MYO16: variants seen among roughly 807,000 people sequenced by gnomAD.
The protein encoded by MYO16 is myosin XVI, also known as unconventional myosin-XVI.
A neutral mutation model predicts 205.3 loss-of-function variants in MYO16; 94 were observed. The observed-to-expected ratio is 0.46, with a 90% CI of 0.39 to 0.54. MYO16 has a LOEUF of 0.54. MYO16 is among the 20% of genes least tolerant of loss of function. MYO16 has a pLI of 0.00. For synonymous variants in MYO16, 988 were observed against 954.0 expected, an observed-to-expected ratio of 1.04 and a Z score of -0.66; for missense variants, 2,315 against 2,387.5, an observed-to-expected ratio of 0.97 and a Z score of 0.63.
In MYO16 at chr13:109,206,652, T is replaced by C; in HGVS notation, c.5459T>C (p.Leu1820Pro). ...LRLSENESVA[L>P]QELLDWRRKL... ...CTCTCAGAGAATGAAAGTGTGGCCCTGCAGGAACTCTTGGACTGGAGGAGA... is the reference window on the plus strand; with the variant it reads ...CTCTCAGAGAATGAAAGTGTGGCCCCGCAGGAACTCTTGGACTGGAGGAGA... The change falls in exon 35 of 35, where the codon CTG becomes CCG. Residue 1820 changes from leucine (L) to proline (P), a missense_variant. By Grantham distance (98) the Leu-to-Pro change is moderately conservative. Coordinates refer to ENST00000457511, the MANE Select transcript of MYO16 (RefSeq NM_001198950.3). 1.2e-6 allele frequency: 2 copies of C among 1,614,118 alleles called. No individual in the cohort carries two copies. Among genetic ancestry groups the C allele is most frequent in the South Asian group, 1.1e-5 (1 of 91,086 alleles).
rs7984752 is a variant in MYO16, at chr13:108,926,069, C to T, written c.1925+15919C>T. ...ACTCAGAGCCGCGTGCTCCATGGCTCGTCCTCCAGACCTCCATTTGGAAAC... is the reference window on the plus strand; with the variant it reads ...ACTCAGAGCCGCGTGCTCCATGGCTTGTCCTCCAGACCTCCATTTGGAAAC... On this transcript the variant is annotated intron_variant, in intron 16 of 34. Coordinates refer to ENST00000457511, the MANE Select transcript of MYO16 (RefSeq NM_001198950.3). Among the ~76,000 whole-genome samples, 1,493 of 152,330 alleles carry T rather than the reference C, an allele frequency of 9.8e-3. 22 individuals carry two copies. Among genetic ancestry groups the T allele is most frequent in the African/African-American group, 0.034 (1,410 of 41,560 alleles).
chr13:109,094,673 C>A (rs1295363843), intron 27 of MYO16, among the ~76,000 whole-genome samples: 3 of 152,176 alleles, frequency 2.0e-5, no homozygotes, highest in Non-Finnish European at 4.4e-5. Flanking sequence ...TATCCCTCCC[C>A]TAGCCCCCAA....
intron 4 of MYO16, among the ~76,000 whole-genome samples, chr13:108,735,336 C>T (rs1347639791): frequency 2.7e-5 from 4 of 146,780 alleles, no homozygotes; most frequent in African/African-American, 1.0e-4. Context: ...TGTTCAATTC[C>T]CACCTATGAG....
intron 31 of MYO16, among the ~76,000 whole-genome samples, chr13:109,129,279 T>C (rs1220577346): frequency 3.3e-5 from 5 of 152,128 alleles, no homozygotes. Flanking sequence ...GAGAAATTCC[T>C]AAGACTATGG....
intron 9 of MYO16, among the ~76,000 whole-genome samples, chr13:108,828,210 C>T (rs941674017): frequency 6.6e-6 from 1 of 152,108 alleles, no homozygotes; most frequent in African/African-American, 2.4e-5. Flanking sequence ...TGTGCTAACT[C>T]TGTTATTGTT....
chr13:108,715,452 C>T lies in MYO16; in HGVS notation c.363+2721C>T, dbSNP rs184371604. Among the ~76,000 whole-genome samples, 14 of 152,292 alleles carry T rather than the reference C, an allele frequency of 9.2e-5. No homozygotes were observed. The East Asian group carries it at 1.9e-3, about 21-fold the overall frequency. ...CCAAACCCATCATAGGTTCATGTGA[C>T]TATTTTCTATTTCCTAGAATGTTAG... On this transcript the variant is annotated intron_variant, in intron 3 of 34. Transcript: ENST00000457511.
rs1175423817 is a variant in MYO16 at position 109,179,577 on chromosome 13, A to G, written c.5359A>G (p.Ile1787Val). The change falls in exon 34 of 35, where the codon ATA becomes GTA. Residue 1787 changes from isoleucine (I) to valine (V), a missense_variant. By Grantham distance (29) the Ile-to-Val change is conservative. Coordinates refer to ENST00000457511, the MANE Select transcript of MYO16 (RefSeq NM_001198950.3). ...AGAAGATGGATACTCACGGTTGTCT[A>G]TAAGTGGCACAGGGACTTCGACATT... Reference protein sequence around the residue: ...PEEDGYSRLSISGTGTSTFQR... With the variant: ...PEEDGYSRLSVSGTGTSTFQR... 8 of 1,613,924 alleles carry G rather than the reference A, an allele frequency of 5.0e-6. No homozygotes were observed. Among genetic ancestry groups the G allele is most frequent in the Non-Finnish European group, 6.8e-6 (8 of 1,179,902 alleles).
chr13:108,713,303 T>A (rs1883796816), intron 3 of MYO16, among the ~76,000 whole-genome samples: 1 of 152,230 alleles, frequency 6.6e-6, no homozygotes, highest in Admixed American at 6.5e-5. Flanking sequence ...TCTTTACAAC[T>A]AATTTAAAGA....
At chr13:108,683,812 A>C (rs1882562458) in intron 2 of MYO16, among the ~76,000 whole-genome samples, 1 of 152,198 alleles carries the variant, frequency 6.6e-6, no homozygotes, top group Non-Finnish European at 1.5e-5. Context: ...TTCTTTTTTG[A>C]GTGGGACAGA....
intron 20 of MYO16, among the ~76,000 whole-genome samples, chr13:108,976,272 C>G (rs1042312177): frequency 3.9e-5 from 6 of 152,144 alleles, no homozygotes; most frequent in South Asian, 2.1e-4. Flanking sequence ...TTATCTCTCT[C>G]TCTCTCTGAT....
intron 4 of MYO16, among the ~76,000 whole-genome samples, chr13:108,764,183 A>G (rs1007262555): frequency 3.3e-5 from 5 of 152,198 alleles, no homozygotes; most frequent in Admixed American, 1.3e-4. Context: ...TCTCCCTCCT[A>G]TGTACATACA....
At chr13:108,554,659 CT>C in the MYO16 span, among the ~76,000 whole-genome samples, 1 of 151,990 alleles carries the variant, frequency 6.6e-6, no homozygotes, top group Admixed American at 6.6e-5. Context: ...ACCATCCTGG[CT>C]AACACGGTGA....
At chr13:108,880,311 T>C (rs1879549499) in intron 12 of MYO16, among the ~76,000 whole-genome samples, 1 of 152,214 alleles carries the variant, frequency 6.6e-6, no homozygotes, top group Non-Finnish European at 1.5e-5. Flanking sequence ...ATTCTGTAGG[T>C]TGCCTGTTCA....
At chr13:108,582,822 T>C in the MYO16 span, among the ~76,000 whole-genome samples, 1 of 152,296 alleles carries the variant, frequency 6.6e-6, no homozygotes, top group African/African-American at 2.4e-5. Flanking sequence ...TGGGTTATTA[T>C]TTAAAAGTTT....
At chr13:109,184,424 A>T (rs1879589163) in intron 34 of MYO16, among the ~76,000 whole-genome samples, 1 of 152,182 alleles carries the variant, frequency 6.6e-6, no homozygotes, top group Non-Finnish European at 1.5e-5. Context: ...AAACAAAAAC[A>T]TATCCTATAT....
chr13:108,797,915 A>G (rs1261160482), intron 6 of MYO16, among the ~76,000 whole-genome samples: 5 of 152,220 alleles, frequency 3.3e-5, no homozygotes, highest in Non-Finnish European at 5.9e-5. Context: ...AATAGCTATC[A>G]TTTTCAATCA....
intron 27 of MYO16, among the ~76,000 whole-genome samples, chr13:109,092,201 A>G (rs1888644669): frequency 6.6e-6 from 1 of 152,248 alleles, no homozygotes; most frequent in Non-Finnish European, 1.5e-5. Flanking sequence ...TTTCAGAGAA[A>G]GTGCATCTGA....
intron 20 of MYO16, among the ~76,000 whole-genome samples, chr13:108,975,185 T>G (rs1884205726): frequency 6.8e-6 from 1 of 146,236 alleles, no homozygotes; most frequent in Non-Finnish European, 1.5e-5. Context: ...TGGGATACTG[T>G]TTTTGTTTTT....
chr13:108,727,612 G>A (rs1884385797), intron 4 of MYO16, 29 bp downstream of exon 4: 11 of 1,589,584 alleles, frequency 6.9e-6, no homozygotes, highest in Non-Finnish European at 8.6e-6. Context: ...TTTACCATTT[G>A]AAGATTTGAT....
Sources: gnomAD v4.1 joint callset for allele counts (sites outside exome capture counted in the v4.1 genomes callset) on GRCh38, gnomAD v4.1.1 for gene constraint, MANE v1.5 for transcripts, NCBI Gene and HGNC (gene_info 2026-07-23, HGNC 2026-07-21) for gene names.